LRRC43: variants seen among roughly 807,000 people sequenced by gnomAD.
LRRC43 encodes leucine-rich repeat-containing protein 43.
Under a neutral mutation model 64.3 loss-of-function variants are expected in LRRC43, and 62 were observed. The ratio of observed to expected loss-of-function variants is 0.96; its 90% CI spans 0.79 to 1.19. The LOEUF (loss-of-function observed/expected upper bound fraction) is 1.19, where lower values mean the gene tolerates loss of function less well. LRRC43 is among the 50% of genes most tolerant of loss of function. The pLI is 0.00. For synonymous variants in LRRC43, 422 were observed against 382.3 expected, an observed-to-expected ratio of 1.10 and a Z score of -1.21; for missense variants, 868 against 845.0, an observed-to-expected ratio of 1.03 and a Z score of -0.34.
At chr12:122,187,945 C>A in intron 4 of LRRC43, 105 bp downstream of exon 4, 1 of 1,160,990 alleles carries the variant, frequency 8.6e-7, no homozygotes, top group Non-Finnish European at 1.2e-6. Context: ...TTTTTTGTAA[C>A]TCCCAGTTGG....
intron 2 of LRRC43, among the ~76,000 whole-genome samples, chr12:122,185,087 C>G (rs1953627971): frequency 6.6e-6 from 1 of 152,180 alleles, no homozygotes; most frequent in South Asian, 2.1e-4. Flanking sequence ...GTTAGTTTTA[C>G]TTCGTTTAAA....
chr12:122,200,460 G>A lies in LRRC43; in HGVS notation c.1492-72G>A. On this transcript the variant is annotated intron_variant, in intron 8 of 11. Transcript: ENST00000339777. The surrounding 1 kb of genome is among the most constrained non-coding windows in gnomAD (Gnocchi z 4.6). ...TGAGTTCTCAGCGCCATTCCAGAAA[G>A]GGTGAGGGAGAGGTGACCCCAGGCA... 1 of 1,611,576 alleles carries A rather than the reference G, an allele frequency of 6.2e-7. No individual in the cohort carries two copies. The highest frequency in any genetic ancestry group is 8.5e-7 in the Non-Finnish European group (1 of 1,178,122).
chr12:122,178,757 T>G (rs1953558618), upstream of LRRC43, among the ~76,000 whole-genome samples: 1 of 150,994 alleles, frequency 6.6e-6, no homozygotes, highest in Admixed American at 6.6e-5. Context: ...ACTCTTGGCG[T>G]TTTTTTGTTT....
chr12:122,178,465 C>G (rs1037829036), upstream of LRRC43, among the ~76,000 whole-genome samples: 1 of 151,486 alleles, frequency 6.6e-6, no homozygotes, highest in Non-Finnish European at 1.5e-5. Context: ...AGTGATACCT[C>G]AAAATCAACA....
In LRRC43 at chr12:122,200,833, G is replaced by T. The variant is rs574329414; in HGVS notation, c.1708G>T (p.Val570Leu). Reference sequence around the variant, plus strand: ...CCTCCAGGTGCTGGGCCGGGGCCTGGTGATCCTGGAGCCCCTGCTCGCCGG... The same window carrying T: ...CCTCCAGGTGCTGGGCCGGGGCCTGTTGATCCTGGAGCCCCTGCTCGCCGG... ...PILQVLGRGL[V>L]ILEPLLAGEP... Residue 570 changes from valine (V) to leucine (L), a missense_variant, in exon 10 of 12, where the codon GTG becomes TTG. Physicochemically the swap from Val to Leu is conservative, Grantham distance 32. Transcript: ENST00000339777. The surrounding 1 kb of genome is among the most constrained non-coding windows in gnomAD (Gnocchi z 4.6). 130 of 1,613,238 alleles carry T rather than the reference G, an allele frequency of 8.1e-5. 2 individuals are homozygous for T. The South Asian group carries it at 1.4e-3, about 17-fold the overall frequency.
At chr12:122,193,616 G>T (rs983317603) in intron 7 of LRRC43, among the ~76,000 whole-genome samples, 1 of 152,126 alleles carries the variant, frequency 6.6e-6, no homozygotes, top group East Asian at 1.9e-4. Context: ...CCAGGCTGGA[G>T]TGCAGTGGTG....
chr12:122,191,288 A>T, intron 5 of LRRC43, 92 bp from the exon 6 acceptor site: 1 of 1,091,368 alleles, frequency 9.2e-7, no homozygotes, highest in South Asian at 1.6e-5. Context: ...GCTGGAGAGA[A>T]TCTAGGGACC....
At position 122,172,518 on chromosome 12, in the gene LRRC43, G is replaced by A. The variant is rs1953495143; in HGVS notation, c.-406+4736G>A. The A allele has an allele frequency of 1.9e-6, 3 of 1,613,728 alleles. No individual in the cohort carries two copies. Among genetic ancestry groups the A allele is most frequent in the African/African-American group, 1.3e-5 (1 of 74,934 alleles). On this transcript the variant is annotated intron_variant, in intron 1 of 5. Transcript: ENST00000537729. ...CAGGATGAAGCGTTTACATTCATGG[G>A]TGTCTGTTGGCACAGAAATGTTTGT...
At chr12:122,188,436 AATTTTTTATTTT>A (rs1953673446) in intron 4 of LRRC43, among the ~76,000 whole-genome samples, 3 of 149,112 alleles carry the variant, frequency 2.0e-5, no homozygotes, top group African/African-American at 7.5e-5. Context: ...TTTTTATTTT[AATTTTTTATTTT>A]AATTTTTTTT....
intron 7 of LRRC43, among the ~76,000 whole-genome samples, chr12:122,196,082 C>T (rs756430226): frequency 7.2e-5 from 11 of 152,172 alleles, no homozygotes; most frequent in Admixed American, 2.0e-4. Flanking sequence ...GACTGTTCCC[C>T]TTTGCCCTGA....
At chr12:122,173,692 A>G (rs553047417) in intron 1 of LRRC43, 22 of 661,790 alleles carry the variant, frequency 3.3e-5, no homozygotes, top group Non-Finnish European at 5.7e-5. Context: ...TCAAAAAAAA[A>G]AAAAAAGCCA....
chr12:122,203,130 G>T (rs549373944), intron 11 of LRRC43, among the ~76,000 whole-genome samples, 185 bp from the exon 12 acceptor site: 166 of 152,254 alleles, frequency 1.1e-3, no homozygotes, highest in African/African-American at 3.7e-3. Context: ...AAACAGCTGC[G>T]ATTTATTAAA....
At position 122,168,529 on chromosome 12, in the gene LRRC43, C is replaced by G. The variant is rs754763920; in HGVS notation, c.-406+747C>G. 1.4e-4 allele frequency among the ~76,000 whole-genome samples: 21 copies of G among 151,718 alleles called. 1 individual carries two copies. Among genetic ancestry groups the G allele is most frequent in the Admixed American group, 6.6e-5 (1 of 15,230 alleles). On this transcript the variant is annotated intron_variant, in intron 1 of 5. Transcript: ENST00000537729. ...GTCTCGAGCTGATCACTCAAGTGATCCACCCACCTCAGCCTCCTAAAGGGC... is the reference window on the plus strand; with the variant it reads ...GTCTCGAGCTGATCACTCAAGTGATGCACCCACCTCAGCCTCCTAAAGGGC...
In LRRC43 at chr12:122,174,112, A is replaced by G. The variant is rs372362735; in HGVS notation, c.-406+6330A>G. On this transcript the variant is annotated intron_variant, in intron 1 of 5. Coordinates refer to the LRRC43 transcript ENST00000537729. ...GTGCTTCCAGAATCTTCCTGGTGAG[A>G]TAAGATGATGCCCAAGACTCCGGAA... The G allele has an allele frequency of 1.1e-5, 18 of 1,613,934 alleles. No homozygotes were observed. In the African/African-American group the frequency reaches 2.1e-4, roughly 19 times the overall value.
intron 7 of LRRC43, among the ~76,000 whole-genome samples, chr12:122,198,392 C>A (rs1355647061): frequency 6.6e-6 from 1 of 152,084 alleles, no homozygotes. Context: ...AATTCCAGAA[C>A]GTTTCCATCA....
rs936140104 is a variant in LRRC43, at chr12:122,200,595, G to A, written c.1555G>A (p.Gly519Arg). The A allele has an allele frequency of 6.2e-6, 10 of 1,614,002 alleles. No individual in the cohort carries two copies. In the Admixed American group the frequency reaches 1.0e-4, roughly 16 times the overall value. Residue 519 changes from glycine (G) to arginine (R), a missense_variant, in exon 9 of 12, where the codon GGG becomes AGG. By Grantham distance (125) the Gly-to-Arg change is moderately radical. Transcript: ENST00000339777. The surrounding 1 kb of genome is among the most constrained non-coding windows in gnomAD (Gnocchi z 4.6). ...TCCCCTGTCTGCCAAGAAAGGAAAG[G>A]GGGAGAAAGACAAGAAAGGGAAGGA... is the stretch of plus-strand genomic sequence containing the variant. ...DSPLSAKKGK[G>R]EKDKKGKEKD...
chr12:122,192,731 G>A lies in LRRC43; in HGVS notation c.1090-14G>A, dbSNP rs200531837. On this transcript the variant is annotated splice_polypyrimidine_tract_variant and intron_variant, in intron 6 of 11. Coordinates refer to ENST00000339777, the MANE Select transcript of LRRC43 (RefSeq NM_001098519.2). Reference sequence around the variant, plus strand: ...AGACGGCAGCCTTGGACGAGTTTCTGTCTCTTCCTGCAGATCGTCAAGCCC... The same window carrying A: ...AGACGGCAGCCTTGGACGAGTTTCTATCTCTTCCTGCAGATCGTCAAGCCC... The A allele has an allele frequency of 6.2e-7, 1 of 1,610,216 alleles. No individual in the cohort carries two copies. Among genetic ancestry groups the A allele is most frequent in the Non-Finnish European group, 8.5e-7 (1 of 1,176,964 alleles).
intron 1 of LRRC43, among the ~76,000 whole-genome samples, chr12:122,168,035 C>T (rs1953455288): frequency 6.7e-6 from 1 of 148,284 alleles, no homozygotes; most frequent in Non-Finnish European, 1.5e-5. Context: ...AGGCTGGTCT[C>T]AACTCCTGAC....
chr12:122,172,678 C>A lies in LRRC43; in HGVS notation c.-406+4896C>A, dbSNP rs142483430. On this transcript the variant is annotated intron_variant, in intron 1 of 5. Coordinates refer to the LRRC43 transcript ENST00000537729. ...CTGTGGATGTTGTTTGGCGGCTGGGCGTCAGGGCTGAGACACGGCAGCGTG... is the reference window on the plus strand; with the variant it reads ...CTGTGGATGTTGTTTGGCGGCTGGGAGTCAGGGCTGAGACACGGCAGCGTG... 4 of 1,613,874 alleles carry A rather than the reference C, an allele frequency of 2.5e-6. No homozygotes were observed. In the African/African-American group the frequency reaches 5.3e-5, roughly 22 times the overall value.
Sources: allele counts gnomAD v4.1 joint callset (sites outside exome capture counted in the v4.1 genomes callset), GRCh38; gene constraint gnomAD v4.1.1; non-coding constraint Gnocchi (gnomAD v3.1); transcripts MANE v1.5; gene names NCBI Gene and HGNC (gene_info 2026-07-23, HGNC 2026-07-21).